NOTCH2: variants seen among roughly 807,000 people sequenced by gnomAD.
NOTCH2 encodes the protein notch receptor 2.
A neutral mutation model predicts 235.8 loss-of-function variants in NOTCH2; 29 were observed. The observed-to-expected ratio is 0.12, with a 90% CI of 0.09 to 0.17. The LOEUF is 0.17. Ranked by LOEUF, NOTCH2 falls within the 10% of genes least tolerant of loss-of-function variation. NOTCH2 has a pLI of 1.00. For missense variants in NOTCH2, 2,285 were observed against 3,150.2 expected (o/e 0.73, Z 6.57); for synonymous variants, 1,086 against 1,141.5 (o/e 0.95, Z 0.98).
chr1:119,981,096 T>C (rs1651795193), intron 5 of NOTCH2, among the ~76,000 whole-genome samples: 1 of 152,208 alleles, frequency 6.6e-6, no homozygotes, highest in Non-Finnish European at 1.5e-5. Flanking sequence ...TCTGAGCTCC[T>C]GGGTCTTACT....
At chr1:119,978,620 A>G (rs1261798273) in intron 5 of NOTCH2, among the ~76,000 whole-genome samples, 1 of 152,230 alleles carries the variant, frequency 6.6e-6, no homozygotes, top group Non-Finnish European at 1.5e-5. Context: ...GTGGATTGCC[A>G]TGGAGGCTGG....
chr1:119,961,494 G>A (rs1650935907), intron 11 of NOTCH2, among the ~76,000 whole-genome samples: 1 of 152,200 alleles, frequency 6.6e-6, no homozygotes, highest in Non-Finnish European at 1.5e-5. Flanking sequence ...CTGAAACACA[G>A]ACTGTGTGAC....
chr1:119,914,187 T>C lies in NOTCH2; in HGVS notation c.*1119A>G. On this transcript the variant is annotated 3_prime_UTR_variant, in exon 34 of 34. Transcript: ENST00000256646. ...GGAAAGGCTCAACAGTTAAGACTAG[T>C]TTCATATGCTGGGTGAGTGAGTGAA... The C allele has an allele frequency of 4.3e-6, 1 of 233,224 alleles. No individual in the cohort carries two copies. Among genetic ancestry groups the C allele is most frequent in the Non-Finnish European group, 8.5e-6 (1 of 118,024 alleles). 14.4% of individuals were successfully genotyped at this position (233,224 alleles called of 1,614,324 possible). A position where few individuals can be genotyped will look rare whatever the true frequency, so the allele number is the denominator to read the frequency against.
intron 21 of NOTCH2, among the ~76,000 whole-genome samples, chr1:119,936,522 G>T (rs1453931343): frequency 6.6e-6 from 1 of 152,180 alleles, no homozygotes; most frequent in Non-Finnish European, 1.5e-5. Context: ...ACAACTAGAT[G>T]TGTCAAAATT....
Position 119,915,566 on chromosome 1 carries a change from G to C in NOTCH2, c.7156C>G (p.Pro2386Ala). 6.2e-7 allele frequency: 1 copy of C among 1,614,046 alleles called. No individual in the cohort carries two copies. Among genetic ancestry groups the C allele is most frequent in the Non-Finnish European group, 8.5e-7 (1 of 1,180,030 alleles). The stretch of plus-strand genomic sequence containing the variant: ...GAAGCATAACTGTGCTGTGAAGGGG[G>C]TGTGGGGTACTTGCCCACAGAGGCT... ...FPASVGKYPTPPSQHSYASSN... is the reference protein window; with the variant it reads ...FPASVGKYPTAPSQHSYASSN... Residue 2386 changes from proline to alanine, a missense_variant, in exon 34 of 34, where the codon CCC becomes GCC. Pro to Ala is a conservative substitution (Grantham distance 27). This residue lies in a region of NOTCH2 where 504 missense variants were observed against 538.0 expected (regional missense o/e 0.94). Coordinates refer to ENST00000256646, the MANE Select transcript of NOTCH2 (RefSeq NM_024408.4).
In NOTCH2 at chr1:119,941,619, G is replaced by T; in HGVS notation, c.2888C>A (p.Thr963Asn). Residue 963 changes from threonine to asparagine, a missense_variant, in exon 18 of 34, where the codon ACC (threonine) becomes AAC (asparagine). By Grantham distance (65) the Thr-to-Asn change is moderately conservative (BLOSUM62 0). Coordinates refer to ENST00000256646, the MANE Select transcript of NOTCH2 (RefSeq NM_024408.4). ...GTAACTGTTGACGTAGTCAGAGCAG[G>T]TCCCTCCATTCTTACAGGGTTCACT... The part of the protein sequence containing the change: ...CLSEPCKNGG[T>N]CSDYVNSYTC... The T allele has an allele frequency of 6.2e-7, 1 of 1,614,108 alleles. No homozygotes were observed. Among genetic ancestry groups the T allele is most frequent in the Non-Finnish European group, 8.5e-7 (1 of 1,180,016 alleles).
At chr1:119,972,388 G>C (rs1013603161) in intron 5 of NOTCH2, among the ~76,000 whole-genome samples, 1 of 152,180 alleles carries the variant, frequency 6.6e-6, no homozygotes, top group Admixed American at 6.5e-5. Context: ...GAAAATTGCT[G>C]AGTCTCATCT....
At chr1:120,009,329 A>G (rs1342651607) in intron 2 of NOTCH2, among the ~76,000 whole-genome samples, 2 of 151,522 alleles carry the variant, frequency 1.3e-5, no homozygotes, top group African/African-American at 4.9e-5. Flanking sequence ...GTACAGAACC[A>G]TATATTTGCT....
In NOTCH2 at chr1:119,923,897, G is replaced by A. The variant is rs1649373892; in HGVS notation, c.4599C>T (p.Asp1533=). 1 of 1,614,054 alleles carries A rather than the reference G, an allele frequency of 6.2e-7. No individual in the cohort carries two copies. Among genetic ancestry groups the A allele is most frequent in the Non-Finnish European group, 8.5e-7 (1 of 1,180,046 alleles). ...NSEECGWDGL[D]CAADQPENLA... Reference sequence around the variant, plus strand: ...GGTTCTCAGGTTGGTCAGCAGCACAGTCCAGCCCATCCCAACCACACTCCT... The same window carrying A: ...GGTTCTCAGGTTGGTCAGCAGCACAATCCAGCCCATCCCAACCACACTCCT... The change falls in exon 26 of 34, where the codon GAC becomes GAT. Residue 1533 remains aspartate, a synonymous_variant. Coordinates refer to ENST00000256646, the MANE Select transcript of NOTCH2 (RefSeq NM_024408.4).
chr1:119,941,592 G>A lies in NOTCH2; in HGVS notation c.2915C>T (p.Thr972Ile), dbSNP rs1650065665. Residue 972 changes from threonine (T) to isoleucine (I), a missense_variant, in exon 18 of 34, where the codon ACT (threonine) becomes ATT (isoleucine). Transcript: ENST00000256646. Reference protein sequence around the residue: ...GTCSDYVNSYTCKCQAGFDGV... With the variant: ...GTCSDYVNSYICKCQAGFDGV... ...ATCAAATCCTGCCTGGCACTTGCAA[G>A]TGTAACTGTTGACGTAGTCAGAGCA... 3.1e-6 allele frequency: 5 copies of A among 1,614,082 alleles called. No individual in the cohort carries two copies. The highest frequency in any genetic ancestry group is 4.2e-6 in the Non-Finnish European group (5 of 1,180,042).
At chr1:119,928,491 C>A (rs1393487676) in intron 23 of NOTCH2, among the ~76,000 whole-genome samples, 2 of 152,050 alleles carry the variant, frequency 1.3e-5, no homozygotes, top group Non-Finnish European at 2.9e-5. Flanking sequence ...GTGAAGAAAC[C>A]GGAGTTAGAC....
chr1:119,925,360 T>C lies in NOTCH2; in HGVS notation c.4456A>G (p.Thr1486Ala). The C allele has an allele frequency of 6.2e-7, 1 of 1,614,172 alleles. No individual in the cohort carries two copies. Among genetic ancestry groups the C allele is most frequent in the Non-Finnish European group, 8.5e-7 (1 of 1,180,042 alleles). ...INNQCDELCN[T>A]VECLFDNFEC... The stretch of plus-strand genomic sequence containing the variant: ...AAGTTGTCAAACAGGCACTCGACCG[T>C]GTTGCACAGCTCATCACACTGGTTG... Residue 1486 changes from threonine (T) to alanine (A), a missense_variant, in exon 25 of 34, where the codon ACG becomes GCG. By Grantham distance (58) the Thr-to-Ala change is moderately conservative. Coordinates refer to ENST00000256646, the MANE Select transcript of NOTCH2 (RefSeq NM_024408.4).
intron 17 of NOTCH2, among the ~76,000 whole-genome samples, chr1:119,944,895 G>T (rs1028506733): frequency 6.6e-6 from 1 of 151,946 alleles, no homozygotes; most frequent in East Asian, 1.9e-4. Context: ...CAGACAGAAG[G>T]AAAATGATAC....
chr1:119,987,801 A>G (rs1553202403), intron 4 of NOTCH2, among the ~76,000 whole-genome samples: 1 of 152,200 alleles, frequency 6.6e-6, no homozygotes, highest in Admixed American at 6.5e-5. Flanking sequence ...TAAGCTTACC[A>G]GCACTTCAAA....
Position 119,915,508 on chromosome 1 carries a change from C to G in NOTCH2, c.7214G>C (p.Ser2405Thr), listed in dbSNP as rs1399142103. 3 of 1,614,012 alleles carry G rather than the reference C, an allele frequency of 1.9e-6. No individual in the cohort carries two copies. Among genetic ancestry groups the G allele is most frequent in the Non-Finnish European group, 2.5e-6 (3 of 1,180,034 alleles). The change falls in exon 34 of 34, where the codon AGT becomes ACT. Residue 2405 changes from serine (S) to threonine (T), a missense_variant. Ser to Thr is a moderately conservative substitution (Grantham distance 58). Transcript: ENST00000256646. ...SNAAERTPSH[S>T]GHLQGEHPYL... Reference sequence around the variant, plus strand: ...GGGATGCTCACCCTGGAGGTGACCACTGTGACTGGGTGTTCGCTCAGCAGC... The same window carrying G: ...GGGATGCTCACCCTGGAGGTGACCAGTGTGACTGGGTGTTCGCTCAGCAGC...
chr1:119,948,961 A>C lies in NOTCH2; in HGVS notation c.2599+46T>G, dbSNP rs587710858. On this transcript the variant is annotated intron_variant, in intron 16 of 33. Coordinates refer to ENST00000256646, the MANE Select transcript of NOTCH2 (RefSeq NM_024408.4). ...ATCTGATAACCTGACCACTTTGTTT[A>C]AAGTCAGAATGCATGTTCTTGGCTT... is the stretch of plus-strand genomic sequence containing the variant. The C allele has an allele frequency of 2.5e-6, 4 of 1,613,610 alleles. No individual in the cohort carries two copies. In the South Asian group the frequency reaches 3.3e-5, roughly 13 times the overall value.
chr1:119,940,417 G>A, intron 19 of NOTCH2, 138 bp downstream of exon 19: 1 of 743,336 alleles, frequency 1.3e-6, no homozygotes, highest in South Asian at 1.7e-5. Flanking sequence ...TTATTAAGAA[G>A]TTACCTAGAT....
At chr1:119,936,640 T>C (rs1263918674) in intron 21 of NOTCH2, among the ~76,000 whole-genome samples, 2 of 152,206 alleles carry the variant, frequency 1.3e-5, no homozygotes, top group African/African-American at 4.8e-5. Context: ...TTGGCTCATT[T>C]ATATAACAAT....
At chr1:119,995,576 G>A (rs1282844216) in intron 4 of NOTCH2, 6 of 152,184 alleles carry the variant, frequency 3.9e-5, no homozygotes, top group Non-Finnish European at 8.8e-5. Flanking sequence ...AGTGAAGACA[G>A]ACGTATTTTA....
Sources: gnomAD v4.1 joint callset for allele counts (sites outside exome capture counted in the v4.1 genomes callset) on GRCh38, gnomAD v4.1.1 for gene constraint, gnomAD v4.1.1 regional missense constraint, MANE v1.5 for transcripts, NCBI Gene and HGNC (gene_info 2026-07-23, HGNC 2026-07-21) for gene names.